Variants in THEMIS observed in about 807,000 individuals in gnomAD.
THEMIS encodes the protein protein THEMIS.
A neutral mutation model predicts 52.6 loss-of-function variants in THEMIS; 37 were observed. The ratio of observed to expected loss-of-function variants is 0.70; its 90% CI spans 0.54 to 0.93. THEMIS has a LOEUF of 0.93. Among genes scored for constraint, THEMIS ranks in the 40% least tolerant of loss-of-function variants. THEMIS has a pLI of 0.00. For synonymous variants in THEMIS, 292 were observed against 272.7 expected (o/e 1.07, Z -0.70); for missense variants, 808 against 763.1 (o/e 1.06, Z -0.69).
chr6:127,771,552 G>T (rs1278575772), intron 4 of THEMIS, among the ~76,000 whole-genome samples: 2 of 152,058 alleles, frequency 1.3e-5, no homozygotes, highest in African/African-American at 4.8e-5. Context: ...CATGATACTG[G>T]TACCAAAACA....
intron 5 of THEMIS, among the ~76,000 whole-genome samples, chr6:127,717,628 A>G (rs973404724): frequency 3.3e-5 from 5 of 151,860 alleles, no homozygotes; most frequent in African/African-American, 4.8e-5. Context: ...GAGTCTTATT[A>G]CACAATTCGT....
chr6:127,701,852 CTGCT>C, the THEMIS span, among the ~76,000 whole-genome samples: 1 of 152,216 alleles, frequency 6.6e-6, no homozygotes, highest in East Asian at 1.9e-4. Context: ...TATGAAGTGC[CTGCT>C]TAAGTTCTTT....
intron 4 of THEMIS, among the ~76,000 whole-genome samples, chr6:127,771,362 C>T (rs1314469243): frequency 6.6e-6 from 1 of 152,030 alleles, no homozygotes; most frequent in African/African-American, 2.4e-5. Flanking sequence ...AGATTCAATG[C>T]CATCCCCATT....
downstream of THEMIS, among the ~76,000 whole-genome samples, chr6:127,706,374 AG>A (rs1274412212): frequency 1.3e-5 from 2 of 152,238 alleles, no homozygotes; most frequent in East Asian, 3.9e-4. Flanking sequence ...AGGAATTTGA[AG>A]CAGAAGGAGG....
At chr6:127,906,404 T>C (rs1259456705) in intron 1 of THEMIS, among the ~76,000 whole-genome samples, 1 of 151,928 alleles carries the variant, frequency 6.6e-6, no homozygotes, top group Non-Finnish European at 1.5e-5. Context: ...AAAACCAACC[T>C]GACAGAAAAA....
At chr6:127,734,898 T>A (rs200715272) in intron 4 of THEMIS, among the ~76,000 whole-genome samples, 1,428 of 82,488 alleles carry the variant, frequency 0.017, 24 homozygotes, top group East Asian at 0.022. Flanking sequence ...AAAAAAAAAA[T>A]ATATATATAT....
At chr6:127,832,914 G>T (rs866995227) in intron 2 of THEMIS, among the ~76,000 whole-genome samples, 1 of 149,194 alleles carries the variant, frequency 6.7e-6, no homozygotes, top group East Asian at 2.0e-4. Context: ...CTCCTGAGTA[G>T]CTGGGATTAC....
At chr6:127,715,899 A>G (rs1028365524) in intron 5 of THEMIS, among the ~76,000 whole-genome samples, 1 of 151,870 alleles carries the variant, frequency 6.6e-6, no homozygotes, top group African/African-American at 2.4e-5. Flanking sequence ...TTGATGGAGA[A>G]AGTCAAGCTC....
intron 4 of THEMIS, among the ~76,000 whole-genome samples, chr6:127,773,436 A>C (rs894099101): frequency 1.3e-5 from 2 of 152,244 alleles, no homozygotes; most frequent in African/African-American, 4.8e-5. Flanking sequence ...AACGCTGTTA[A>C]AAACATTTAG....
At chr6:127,727,666 T>C (rs1774597953) in intron 4 of THEMIS, among the ~76,000 whole-genome samples, 1 of 152,184 alleles carries the variant, frequency 6.6e-6, no homozygotes, top group Non-Finnish European at 1.5e-5. Context: ...GAGCTAGAAA[T>C]GATTTTGATG....
At chr6:127,725,023 C>G (rs1326412660) in intron 4 of THEMIS, among the ~76,000 whole-genome samples, 2 of 151,988 alleles carry the variant, frequency 1.3e-5, no homozygotes, top group African/African-American at 4.8e-5. Context: ...CTACAAAGGA[C>G]CTCTCTTAGC....
rs1223558874 is a variant in THEMIS, at chr6:127,730,339, A to AAGAAG, written c.1759-10521_1759-10517dup. On this transcript the variant is annotated intron_variant, in intron 4 of 5. Transcript: ENST00000368248. The stretch of plus-strand genomic sequence containing the variant: ...AAGAGAAAAAAAGAAAAGAAAAGAA[A>AAGAAG]AGAAGAGAAGAGAAGAAAAGAGAAG... 6.5e-3 allele frequency among the ~76,000 whole-genome samples: 983 copies of AAGAAG among 150,528 alleles called. 15 individuals carry two copies. Among genetic ancestry groups the AAGAAG allele is most frequent in the Non-Finnish European group, 9.1e-3 (616 of 67,610 alleles).
intron 4 of THEMIS, among the ~76,000 whole-genome samples, chr6:127,793,283 A>G (rs1410774261): frequency 6.6e-6 from 1 of 152,194 alleles, no homozygotes; most frequent in Non-Finnish European, 1.5e-5. Flanking sequence ...CAAATAAGGG[A>G]AAACTTTAAG....
At chr6:127,855,220 TA>T (rs1779579581) in intron 1 of THEMIS, 32 bp from the exon 2 acceptor site, 1 of 1,541,204 alleles carries the variant, frequency 6.5e-7, no homozygotes, top group African/African-American at 1.4e-5. Context: ...AACAGCTTTT[TA>T]AAAAGAAAAC....
intron 3 of THEMIS, among the ~76,000 whole-genome samples, chr6:127,817,958 A>C (rs934697032): frequency 2.0e-5 from 3 of 152,166 alleles, no homozygotes; most frequent in African/African-American, 7.2e-5. Context: ...AACTATTCTG[A>C]AACATACCCA....
chr6:127,883,012 A>G (rs1780534218), intron 1 of THEMIS, among the ~76,000 whole-genome samples: 1 of 151,988 alleles, frequency 6.6e-6, no homozygotes, highest in Admixed American at 6.6e-5. Flanking sequence ...TATTCAACAT[A>G]CTTATTCAAT....
At chr6:127,895,414 T>C (rs1400949457) in intron 1 of THEMIS, among the ~76,000 whole-genome samples, 4 of 151,506 alleles carry the variant, frequency 2.6e-5, no homozygotes, top group Non-Finnish European at 5.9e-5. Context: ...ATAAAAAATA[T>C]AAACTATTAG....
chr6:127,877,347 G>A (rs1417241428), intron 1 of THEMIS, among the ~76,000 whole-genome samples: 2 of 152,084 alleles, frequency 1.3e-5, no homozygotes, highest in Non-Finnish European at 2.9e-5. Context: ...TACAATAACA[G>A]CTTGACTAAC....
intron 4 of THEMIS, among the ~76,000 whole-genome samples, chr6:127,784,396 T>A (rs574468068): frequency 7.6e-4 from 115 of 151,988 alleles, no homozygotes; most frequent in African/African-American, 2.7e-3. Flanking sequence ...AAAAAAAAAA[T>A]TCCCTTTTTT....
Sources: allele counts gnomAD v4.1 joint callset (sites outside exome capture counted in the v4.1 genomes callset), GRCh38; gene constraint gnomAD v4.1.1; transcripts MANE v1.5; gene names NCBI Gene and HGNC (gene_info 2026-07-23, HGNC 2026-07-21).